Variants in PTPRN2 observed in about 807,000 individuals in gnomAD.
The protein encoded by PTPRN2 is protein tyrosine phosphatase receptor type N2.
Under a neutral mutation model 118.8 loss-of-function variants are expected in PTPRN2, and 74 were observed. The observed-to-expected ratio is 0.62, with a 90% CI of 0.52 to 0.76. The LOEUF is 0.76. PTPRN2 is among the 30% of genes least tolerant of loss of function. The probability of loss-of-function intolerance (pLI) is 0.00; values close to 1 mark genes in which losing one functional copy is unlikely to be tolerated. For missense variants in PTPRN2, 1,481 were observed against 1,394.4 expected, an observed-to-expected ratio of 1.06 and a Z score of -0.99; for synonymous variants, 641 against 608.0, an observed-to-expected ratio of 1.05 and a Z score of -0.80.
chr7:158,000,332 G>A (rs112865529), intron 11 of PTPRN2, among the ~76,000 whole-genome samples: 13 of 151,228 alleles, frequency 8.6e-5, no homozygotes, highest in Non-Finnish European at 1.6e-4. Context: ...AAAAACAATT[G>A]CCAAGGCCCG....
rs796249825 is a variant in PTPRN2, at chr7:157,922,199, G to C, written c.1724-23462C>G. 2.8e-4 allele frequency among the ~76,000 whole-genome samples: 42 copies of C among 152,340 alleles called. 1 individual carries two copies. Among genetic ancestry groups the C allele is most frequent in the African/African-American group, 1.0e-3 (42 of 41,566 alleles). Reference sequence around the variant, plus strand: ...GAAACTTTCAGGAGAATTTTGAAGAGAGATGATTATTTTCTGACTCTACTG... The same window carrying C: ...GAAACTTTCAGGAGAATTTTGAAGACAGATGATTATTTTCTGACTCTACTG... On this transcript the variant is annotated intron_variant, in intron 11 of 22. Coordinates refer to ENST00000389418, the MANE Select transcript of PTPRN2 (RefSeq NM_002847.5).
At chr7:157,680,484 A>G (rs531558549) in intron 13 of PTPRN2, among the ~76,000 whole-genome samples, 46 of 152,386 alleles carry the variant, frequency 3.0e-4, no homozygotes, top group Admixed American at 9.1e-4. Context: ...TTCATTTACC[A>G]AAGTAAATAT....
intron 12 of PTPRN2, among the ~76,000 whole-genome samples, chr7:157,797,298 G>A (rs1387095180): frequency 6.6e-6 from 1 of 152,256 alleles, no homozygotes; most frequent in Non-Finnish European, 1.5e-5. Flanking sequence ...TTCTCATGAA[G>A]CGGAGGAGAG....
intron 3 of PTPRN2, among the ~76,000 whole-genome samples, chr7:158,264,408 A>G (rs528176991): frequency 6.6e-6 from 1 of 152,222 alleles, no homozygotes; most frequent in South Asian, 2.1e-4. Flanking sequence ...TGCTGGACAC[A>G]CACGGTCCAA....
chr7:157,748,544 G>A (rs1193383389), intron 12 of PTPRN2, among the ~76,000 whole-genome samples: 1 of 149,294 alleles, frequency 6.7e-6, no homozygotes, highest in Non-Finnish European at 1.5e-5. Context: ...GGGTGTCCGG[G>A]TGATTCTGAG....
At chr7:157,753,123 G>A (rs1801579184) in intron 12 of PTPRN2, among the ~76,000 whole-genome samples, 1 of 152,232 alleles carries the variant, frequency 6.6e-6, no homozygotes, top group Non-Finnish European at 1.5e-5. Flanking sequence ...CAAGGACAGT[G>A]AAGCTACTGA....
intron 11 of PTPRN2, among the ~76,000 whole-genome samples, chr7:158,026,904 C>T (rs1214627645): frequency 6.6e-6 from 1 of 152,270 alleles, no homozygotes; most frequent in Non-Finnish European, 1.5e-5. Context: ...CCAGCAGCCA[C>T]TCGGCTCTGG....
intron 14 of PTPRN2, among the ~76,000 whole-genome samples, chr7:157,645,242 A>G (rs965750998): frequency 6.6e-6 from 1 of 151,674 alleles, no homozygotes; most frequent in African/African-American, 2.4e-5. Flanking sequence ...AGGAACCATA[A>G]ACGGCTCCCA....
rs978867421 is a variant in PTPRN2, at chr7:157,801,911, G to A, written c.1788+96762C>T. Among the ~76,000 whole-genome samples the A allele has an allele frequency of 6.6e-6, 1 of 152,166 alleles. No individual in the cohort carries two copies. The highest frequency in any genetic ancestry group is 1.5e-5 in the Non-Finnish European group (1 of 68,036). On this transcript the variant is annotated intron_variant, in intron 12 of 22. Transcript: ENST00000389418. The surrounding 1 kb of genome is among the most constrained non-coding windows in gnomAD (Gnocchi z 4.2). ...TCTCACAGGAGGCCACGGTCCAGAT[G>A]GGTTTCACTGAGCTGAAGTCAGGGC...
intron 11 of PTPRN2, among the ~76,000 whole-genome samples, chr7:158,032,561 G>A (rs572664686): frequency 1.2e-4 from 19 of 152,224 alleles, no homozygotes; most frequent in South Asian, 1.0e-3. Flanking sequence ...GCACAGAGAC[G>A]TTCCGTATGC....
At chr7:157,645,912 CAAAGA>C (rs1040358673) in intron 14 of PTPRN2, among the ~76,000 whole-genome samples, 1 of 152,212 alleles carries the variant, frequency 6.6e-6, no homozygotes, top group African/African-American at 2.4e-5. Flanking sequence ...TACAATATGA[CAAAGA>C]AAACCACGAG....
chr7:158,134,404 T>A, intron 8 of PTPRN2, among the ~76,000 whole-genome samples: 1 of 152,120 alleles, frequency 6.6e-6, no homozygotes, highest in East Asian at 1.9e-4. Flanking sequence ...CTGTGTGATA[T>A]CAAGATCCCA....
chr7:158,342,611 C>G (rs1274494652), intron 2 of PTPRN2, among the ~76,000 whole-genome samples: 1 of 152,130 alleles, frequency 6.6e-6, no homozygotes, highest in African/African-American at 2.4e-5. Flanking sequence ...ACCATAAGAG[C>G]TGACATCTAC....
rs576298740 is a variant in PTPRN2, at chr7:157,595,845, G to A, written c.2419-530C>T. On this transcript the variant is annotated intron_variant, in intron 16 of 22. Transcript: ENST00000389418. The stretch of plus-strand genomic sequence containing the variant: ...CCGAGCCTTGAGCCTGAACCACTGC[G>A]TCTGAAATGCTTTCCTTATACCTGA... Among the ~76,000 whole-genome samples the A allele has an allele frequency of 1.4e-4, 22 of 152,330 alleles. No homozygotes were observed. In the Middle Eastern group the frequency reaches 0.01, roughly 71 times the overall value.
chr7:157,975,972 C>CGATGTGG (rs1802714566), intron 11 of PTPRN2, among the ~76,000 whole-genome samples: 1 of 152,100 alleles, frequency 6.6e-6, no homozygotes, highest in Non-Finnish European at 1.5e-5. Context: ...GTACCCCATG[C>CGATGTGG]GATGTGGAGA....
chr7:157,584,155 T>C (rs527869770), intron 17 of PTPRN2, among the ~76,000 whole-genome samples: 2 of 152,160 alleles, frequency 1.3e-5, no homozygotes, highest in South Asian at 2.1e-4. Context: ...AACAAAAAAC[T>C]GAAATAGTGA....
intron 1 of PTPRN2, among the ~76,000 whole-genome samples, chr7:158,542,072 A>G (rs1035119980): frequency 1.3e-5 from 2 of 152,266 alleles, no homozygotes; most frequent in African/African-American, 4.8e-5. Context: ...CTTGAGTTAC[A>G]GTCTTTAACA....
intron 2 of PTPRN2, among the ~76,000 whole-genome samples, chr7:158,317,405 G>A (rs561620515): frequency 1.3e-5 from 2 of 152,270 alleles, no homozygotes; most frequent in African/African-American, 2.4e-5. Flanking sequence ...TGGGAGGCAA[G>A]CACGGCTTCC....
intron 2 of PTPRN2, among the ~76,000 whole-genome samples, chr7:158,443,045 T>A (rs1331334215): frequency 1.5e-5 from 2 of 136,932 alleles, no homozygotes; most frequent in Admixed American, 7.2e-5. Context: ...AAATAAGTAT[T>A]AAAAAAAAAA....
Sources: gnomAD v4.1 joint callset for allele counts (sites outside exome capture counted in the v4.1 genomes callset) on GRCh38, gnomAD v4.1.1 for gene constraint, Gnocchi (gnomAD v3.1) non-coding constraint, MANE v1.5 for transcripts, NCBI Gene and HGNC (gene_info 2026-07-23, HGNC 2026-07-21) for gene names.